The following COL15A1 variants were observed in gnomAD, a reference collection of about 807,000 sequenced individuals.
The protein encoded by COL15A1 is collagen alpha-1(XV) chain.
Under a neutral mutation model 165.9 loss-of-function variants are expected in COL15A1, and 111 were observed. The ratio of observed to expected loss-of-function variants is 0.67; its 90% confidence interval spans 0.57 to 0.78. The LOEUF is 0.78. Ranked by LOEUF, COL15A1 falls within the 30% of genes least tolerant of loss-of-function variation. COL15A1 has a pLI of 0.00. For missense variants in COL15A1, 1,745 were observed against 1,789.7 expected (o/e 0.98, Z 0.45); for synonymous variants, 659 against 674.8 (o/e 0.98, Z 0.36).
At chr9:98,970,164 C>A (rs1453465552) in intron 2 of COL15A1, among the ~76,000 whole-genome samples, 2 of 151,930 alleles carry the variant, frequency 1.3e-5, no homozygotes, top group Admixed American at 6.6e-5. Context: ...TATACAGGAA[C>A]TATTGCCCAT....
chr9:98,944,611 G>A (rs1403134859), intron 2 of COL15A1, among the ~76,000 whole-genome samples: 1 of 152,264 alleles, frequency 6.6e-6, no homozygotes, highest in East Asian at 1.9e-4. Flanking sequence ...GTGCTGGCTG[G>A]CTTCTGGTAA....
At chr9:99,054,021 G>T (rs142435987) in intron 31 of COL15A1, among the ~76,000 whole-genome samples, 1 of 152,348 alleles carries the variant, frequency 6.6e-6, no homozygotes, top group East Asian at 1.9e-4. Flanking sequence ...GGGATGGAAT[G>T]CCAGTTCTGC....
At chr9:98,953,124 T>C (rs1837717551) in intron 2 of COL15A1, among the ~76,000 whole-genome samples, 2 of 152,180 alleles carry the variant, frequency 1.3e-5, no homozygotes, top group Non-Finnish European at 2.9e-5. Context: ...TAAGACTCAA[T>C]TTAAGGCATT....
chr9:99,003,711 G>A, intron 8 of COL15A1, 124 bp downstream of exon 8: 1 of 1,067,384 alleles, frequency 9.4e-7, no homozygotes, highest in Non-Finnish European at 1.3e-6. Flanking sequence ...CATGGGGGCA[G>A]TCTGTCGGAG....
intron 2 of COL15A1, among the ~76,000 whole-genome samples, chr9:98,963,104 G>T (rs1374609851): frequency 6.6e-6 from 1 of 152,232 alleles, no homozygotes; most frequent in East Asian, 1.9e-4. Context: ...TGGGAGGCTG[G>T]TCAGCCTTGC....
At chr9:99,036,496 G>A in intron 21 of COL15A1, 100 bp downstream of exon 21, 3 of 1,266,814 alleles carry the variant, frequency 2.4e-6, no homozygotes, top group Non-Finnish European at 3.3e-6. Flanking sequence ...CTATGCAGGA[G>A]GCATGTAGCC....
In COL15A1 at chr9:99,038,703, C is replaced by G. The variant is rs770834528; in HGVS notation, c.2445C>G (p.Phe815Leu). ...LINITHGFMN[F>L]SDIPELVGPP... ...ATATCACCCATGGATTCATGAATTT[C>G]TCGGACATTCCTGAGCTGGTGGGGC... is the stretch of plus-strand genomic sequence containing the variant. Residue 815 changes from phenylalanine to leucine, a missense_variant, in exon 22 of 42, where the codon TTC becomes TTG. By Grantham distance (22) the Phe-to-Leu change is conservative (BLOSUM62 0). Transcript: ENST00000375001. The G allele has an allele frequency of 2.5e-6, 4 of 1,611,504 alleles. No individual in the cohort carries two copies. The East Asian group carries it at 8.9e-5, about 36-fold the overall frequency.
chr9:98,988,675 C>A (rs1264727604), intron 4 of COL15A1, among the ~76,000 whole-genome samples: 1 of 152,178 alleles, frequency 6.6e-6, no homozygotes. Flanking sequence ...GTAATCCCAG[C>A]ACTTTGGGAG....
Position 99,070,089 on chromosome 9 carries a change from C to T in COL15A1, c.*203C>T. The T allele has an allele frequency of 1.9e-6, 1 of 537,532 alleles. No homozygotes were observed. Among genetic ancestry groups the T allele is most frequent in the South Asian group, 2.4e-5 (1 of 42,340 alleles). 33.3% of individuals were successfully genotyped at this position (537,532 alleles called of 1,614,324 possible). On this transcript the variant is annotated 3_prime_UTR_variant, in exon 42 of 42. Coordinates refer to ENST00000375001, the MANE Select transcript of COL15A1 (RefSeq NM_001855.5). ...ACTCAGATCAAAGACAAAATCTGATCCATATATTGGTGCTAGATTCTGCAG... is the reference window on the plus strand; with the variant it reads ...ACTCAGATCAAAGACAAAATCTGATTCATATATTGGTGCTAGATTCTGCAG...
intron 34 of COL15A1, among the ~76,000 whole-genome samples, chr9:99,055,985 C>G (rs1286802268): frequency 6.6e-6 from 1 of 152,202 alleles, no homozygotes; most frequent in Non-Finnish European, 1.5e-5. Flanking sequence ...GCTTCAGTGT[C>G]TCCATCTGTG....
intron 13 of COL15A1, 58 bp from the exon 14 acceptor site, chr9:99,023,299 G>A: frequency 6.5e-7 from 1 of 1,534,954 alleles, no homozygotes; most frequent in Non-Finnish European, 8.8e-7. Flanking sequence ...TCAGTGACGT[G>A]GCTGTCCTTG....
chr9:99,017,462 G>A (rs183309586), intron 11 of COL15A1, among the ~76,000 whole-genome samples: 22 of 152,176 alleles, frequency 1.4e-4, no homozygotes, highest in Non-Finnish European at 2.6e-4. Context: ...CTGCTGACTT[G>A]TTGTAGGCCC....
In COL15A1 at chr9:99,035,158, CT is replaced by C. The variant is rs1262998273; in HGVS notation, c.2220+8del. 1.9e-6 allele frequency: 3 copies of C among 1,588,370 alleles called. No homozygotes were observed. The highest frequency in any genetic ancestry group is 1.4e-5 in the African/African-American group (1 of 73,532). ...CACAATGGGACTTGGATTCGAGGTA[CT>C]TTTCCCCTTTTCTGTGGTTATAAAA... On this transcript the variant is annotated splice_donor_5th_base_variant and intron_variant, in intron 18 of 41. Transcript: ENST00000375001.
chr9:99,002,711 T>A (rs1160522953), intron 7 of COL15A1, among the ~76,000 whole-genome samples: 1 of 152,224 alleles, frequency 6.6e-6, no homozygotes, highest in Non-Finnish European at 1.5e-5. Context: ...GGATTTAATA[T>A]ATTTTATGAA....
At chr9:98,960,294 G>C (rs1390871396) in intron 2 of COL15A1, among the ~76,000 whole-genome samples, 1 of 152,102 alleles carries the variant, frequency 6.6e-6, no homozygotes, top group East Asian at 1.9e-4. Context: ...CAGCTACTTG[G>C]GAGCCTGAGG....
At chr9:99,013,390 A>C (rs145322152) in intron 9 of COL15A1, among the ~76,000 whole-genome samples, 1 of 152,296 alleles carries the variant, frequency 6.6e-6, no homozygotes, top group East Asian at 1.9e-4. Flanking sequence ...GAGGAAACTC[A>C]TTCTCCCATT....
At chr9:98,972,877 T>C (rs1162782878) in intron 2 of COL15A1, among the ~76,000 whole-genome samples, 3 of 152,108 alleles carry the variant, frequency 2.0e-5, no homozygotes, top group Non-Finnish European at 4.4e-5. Flanking sequence ...AAGGAAAGCT[T>C]GAAAGGCAAT....
At chr9:99,052,134 GT>G (rs1839599304) in intron 30 of COL15A1, among the ~76,000 whole-genome samples, 1 of 152,210 alleles carries the variant, frequency 6.6e-6, no homozygotes, top group Non-Finnish European at 1.5e-5. Flanking sequence ...TTATGGCTGA[GT>G]TTTTTGGCCA....
intron 21 of COL15A1, among the ~76,000 whole-genome samples, chr9:99,037,866 G>C (rs1839329847): frequency 6.6e-6 from 1 of 152,158 alleles, no homozygotes; most frequent in South Asian, 2.1e-4. Flanking sequence ...CAGAGGGTAG[G>C]ACAATGTGGT....
Sources: allele counts gnomAD v4.1 joint callset (sites outside exome capture counted in the v4.1 genomes callset), GRCh38; gene constraint gnomAD v4.1.1; transcripts MANE v1.5; gene names NCBI Gene and HGNC (gene_info 2026-07-23, HGNC 2026-07-21).